ZNF335: variants seen among roughly 807,000 people sequenced by gnomAD.
ZNF335 encodes the protein zinc finger protein 335.
Under a neutral mutation model 145.6 loss-of-function variants are expected in ZNF335, and 84 were observed. That is an observed-to-expected ratio of 0.58 (90% CI 0.48 to 0.69). ZNF335 has a LOEUF of 0.69. ZNF335 is among the 30% of genes least tolerant of loss of function. The pLI, the probability that ZNF335 is intolerant of heterozygous loss-of-function variation, is 0.00. For missense variants in ZNF335, 1,865 were observed against 1,809.7 expected (o/e 1.03, Z -0.55); for synonymous variants, 761 against 717.0 (o/e 1.06, Z -0.98).
intron 9 of ZNF335, among the ~76,000 whole-genome samples, chr20:45,963,019 G>A (rs1281411656): frequency 1.3e-5 from 2 of 152,016 alleles, no homozygotes; most frequent in African/African-American, 4.8e-5. Flanking sequence ...CTCCATGTTG[G>A]CCAAGCTGGT....
In ZNF335 at chr20:45,949,807, T is replaced by A; in HGVS notation, c.3662A>T (p.Asp1221Val). 1 of 1,614,070 alleles carries A rather than the reference T, an allele frequency of 6.2e-7. No homozygotes were observed. The highest frequency in any genetic ancestry group is 8.5e-7 in the Non-Finnish European group (1 of 1,179,978). Residue 1221 changes from aspartate to valine, a missense_variant, in exon 24 of 28, where the codon GAC becomes GTC. By Grantham distance (152) the Asp-to-Val change is radical. Transcript: ENST00000322927. The stretch of plus-strand genomic sequence containing the variant: ...CAGTAGCTAGTAGCTCACCTGGTTG[T>A]CGGAGGTCACCAGGTGCTGTACGGT... ...GQTVQHLVTS[D>V]NQVQYIISQD...
intron 1 of ZNF335, 133 bp from the exon 2 acceptor site, chr20:45,971,593 T>G: frequency 6.9e-7 from 1 of 1,440,354 alleles, no homozygotes; most frequent in Non-Finnish European, 9.1e-7. Context: ...CGGAGCTTCC[T>G]GGTGTATTGC....
chr20:45,949,276 G>T (rs749847885), intron 26 of ZNF335, 25 bp from the exon 27 acceptor site: 1 of 1,613,944 alleles, frequency 6.2e-7, no homozygotes, highest in Admixed American at 1.7e-5. Flanking sequence ...CTGATAAGAT[G>T]CTGGCCTGGA....
In ZNF335 at chr20:45,963,670, C is replaced by A. The variant is rs775024381; in HGVS notation, c.1356-20G>T. On this transcript the variant is annotated intron_variant, in intron 8 of 27. Coordinates refer to ENST00000322927, the MANE Select transcript of ZNF335 (RefSeq NM_022095.4). ...TAGTACCTGCAGGATGAGAGTGTGG[C>A]GGAAAGGTCTGGTGGGGTTGGTGGC... 3.7e-6 allele frequency: 6 copies of A among 1,613,744 alleles called. No individual in the cohort carries two copies. The highest frequency in any genetic ancestry group is 5.1e-6 in the Non-Finnish European group (6 of 1,179,686).
At chr20:45,965,872 C>A (rs1236886603) in intron 6 of ZNF335, 98 bp from the exon 7 acceptor site, 1 of 1,379,070 alleles carries the variant, frequency 7.3e-7, no homozygotes, top group African/African-American at 1.5e-5. Flanking sequence ...CTGCATACTC[C>A]TCCTCCAAGC....
chr20:45,957,206 C>A (rs575161796), intron 17 of ZNF335, among the ~76,000 whole-genome samples: 2 of 152,194 alleles, frequency 1.3e-5, no homozygotes, highest in East Asian at 3.9e-4. Context: ...TAGGAGGTGT[C>A]CCGGAATGAG....
intron 9 of ZNF335, among the ~76,000 whole-genome samples, chr20:45,962,838 A>T (rs1394979281): frequency 8.4e-6 from 1 of 119,048 alleles, no homozygotes; most frequent in Non-Finnish European, 1.6e-5. Context: ...TTTGAGACAG[A>T]GTTTCGCTCT....
chr20:45,963,716 C>T (rs753756596), intron 8 of ZNF335, 22 bp downstream of exon 8: 1 of 1,614,090 alleles, frequency 6.2e-7, no homozygotes. Flanking sequence ...GCATGCCCCA[C>T]CCTCACCTCT....
chr20:45,966,498 A>G (rs545987233), intron 6 of ZNF335, among the ~76,000 whole-genome samples: 29 of 151,914 alleles, frequency 1.9e-4, no homozygotes, highest in African/African-American at 7.0e-4. Flanking sequence ...GTTTGAGGAC[A>G]GGAGTTTGAG....
rs1314556033 is a variant in ZNF335 at position 45,963,459 on chromosome 20, T to C, written c.1533+14A>G. The C allele has an allele frequency of 6.2e-7, 1 of 1,604,894 alleles. No individual in the cohort carries two copies. The highest frequency in any genetic ancestry group is 1.7e-5 in the Admixed American group (1 of 59,838). On this transcript the variant is annotated intron_variant, in intron 9 of 27. Transcript: ENST00000322927. Reference sequence around the variant, plus strand: ...CACCCTCCCATGAGCCCCAAGCCTCTTTGGCTCCCGCACCTTGAGCGAGGA... The same window carrying C: ...CACCCTCCCATGAGCCCCAAGCCTCCTTGGCTCCCGCACCTTGAGCGAGGA...
chr20:45,962,000 T>C lies in ZNF335; in HGVS notation c.1646+70A>G, dbSNP rs557897962. The C allele has an allele frequency of 1.0e-4, 127 of 1,271,884 alleles. 1 individual carries two copies. In the East Asian group the frequency reaches 2.9e-3, roughly 29 times the overall value. 78.8% of individuals were successfully genotyped at this position (1,271,884 alleles called of 1,614,324 possible). A position where few individuals can be genotyped will look rare whatever the true frequency, so the allele number is the denominator to read the frequency against. On this transcript the variant is annotated intron_variant, in intron 10 of 27. Transcript: ENST00000322927. ...GAGCACGGTAAGTGGGAACCATGGT[T>C]ATCCCGGGCCTCCACTTCCCCACCC...
intron 22 of ZNF335, 46 bp from the exon 23 acceptor site, chr20:45,950,115 G>C (rs1277220053): frequency 6.2e-7 from 1 of 1,609,620 alleles, no homozygotes; most frequent in Non-Finnish European, 8.5e-7. Context: ...AGGAAAACCT[G>C]CAATGCCCCA....
rs1241205961 is a variant in ZNF335, at chr20:45,962,168, G to C, written c.1548C>G (p.Asn516Lys). 3 of 1,614,092 alleles carry C rather than the reference G, an allele frequency of 1.9e-6. No individual in the cohort carries two copies. The highest frequency in any genetic ancestry group is 2.5e-6 in the Non-Finnish European group (3 of 1,179,978). ...ACTTGTAGGGCTTGCTGCCCACGTG[G>C]TTGAACATGTGCTCCTGGGAGACAG... ...RWSSLKEHMF[N>K]HVGSKPYKCD... The change falls in exon 10 of 28, where the codon AAC becomes AAG. Residue 516 changes from asparagine (N) to lysine (K), a missense_variant. Asn to Lys is a moderately conservative substitution (Grantham distance 94). Coordinates refer to ENST00000322927, the MANE Select transcript of ZNF335 (RefSeq NM_022095.4).
At chr20:45,958,036 C>A (rs1266334949) in intron 15 of ZNF335, 108 bp from the exon 16 acceptor site, 5 of 836,934 alleles carry the variant, frequency 6.0e-6, no homozygotes, top group East Asian at 2.5e-5. Context: ...TGGCTTGTTT[C>A]ATCTTCATAA....
intron 14 of ZNF335, 140 bp from the exon 15 acceptor site, chr20:45,959,573 C>CCAGAATGGACAGTGGCA: frequency 3.3e-6 from 2 of 597,584 alleles, no homozygotes; most frequent in Non-Finnish European, 5.2e-6. Context: ...ACACATGCCA[C>CCAGAATGGACAGTGGCA]TGTCCATTCT....
At chr20:45,971,822 C>A (rs1394355423) in intron 1 of ZNF335, 1 of 985,380 alleles carries the variant, frequency 1.0e-6, no homozygotes, top group Non-Finnish European at 1.2e-6. Context: ...CCCGCTGGCC[C>A]CCTGGGTCAG....
chr20:45,971,847 C>T (rs540739755), intron 1 of ZNF335: 3 of 985,442 alleles, frequency 3.0e-6, no homozygotes, highest in East Asian at 1.1e-4. Flanking sequence ...TCGCTCCCCC[C>T]CGGTTCCCCT....
rs116893656 is a variant in ZNF335 at position 45,968,301 on chromosome 20, T to C, written c.504A>G (p.Leu168=). The C allele has an allele frequency of 1.1e-4, 182 of 1,613,382 alleles. 1 individual carries two copies. In the East Asian group the frequency reaches 3.3e-3, roughly 30 times the overall value. ...GGGTCTTACCATCATCTGGGCCCTG[T>C]AGGATCAGGTACCGTGTGGTCTCGG... ...GGAETTRYLI[L]QGPDDGAPMT... Residue 168 remains leucine, a synonymous_variant, in exon 4 of 28, where the codon CTA becomes CTG. Transcript: ENST00000322927.
At position 45,957,617 on chromosome 20, in the gene ZNF335, G is replaced by A; in HGVS notation, c.2411C>T (p.Ala804Val). The A allele has an allele frequency of 6.2e-7, 1 of 1,614,188 alleles. No individual in the cohort carries two copies. The highest frequency in any genetic ancestry group is 8.5e-7 in the Non-Finnish European group (1 of 1,180,026). Residue 804 changes from alanine to valine, a missense_variant, in exon 17 of 28, where the codon GCT becomes GTT. By Grantham distance (64) the Ala-to-Val change is moderately conservative. Coordinates refer to ENST00000322927, the MANE Select transcript of ZNF335 (RefSeq NM_022095.4). ...TALDLLLNMS[A>V]QRELGGTALQ... ...GGCTGTGCCCCCCAGTTCCCGCTGA[G>A]CACTCATGTTCAGCAGAAGATCCAA...
Sources: gnomAD v4.1 joint callset for allele counts (sites outside exome capture counted in the v4.1 genomes callset) on GRCh38, gnomAD v4.1.1 for gene constraint, MANE v1.5 for transcripts, NCBI Gene and HGNC (gene_info 2026-07-23, HGNC 2026-07-21) for gene names.